Variants in DOCK2 observed in about 807,000 individuals in gnomAD.
DOCK2 encodes the protein dedicator of cytokinesis 2, also known as dedicator of cytokinesis protein 2.
In DOCK2, 87 loss-of-function variants were observed where a neutral mutation model predicts 248.9. The ratio of observed to expected loss-of-function variants is 0.35; its 90% CI spans 0.29 to 0.42. DOCK2 has a LOEUF of 0.42. Among genes scored for constraint, DOCK2 ranks in the 10% least tolerant of loss-of-function variants. The probability of loss-of-function intolerance (pLI) is 1.00; values close to 1 mark genes in which losing one functional copy is unlikely to be tolerated. For missense variants in DOCK2, 1,747 were observed against 2,300.2 expected, an observed-to-expected ratio of 0.76 and a Z score of 4.92; for synonymous variants, 805 against 821.6, an observed-to-expected ratio of 0.98 and a Z score of 0.35.
intron 29 of DOCK2, among the ~76,000 whole-genome samples, chr5:169,990,654 C>A (rs1778182138): frequency 6.6e-6 from 1 of 152,168 alleles, no homozygotes; most frequent in South Asian, 2.1e-4. Context: ...GAATAGGTAT[C>A]CCAGCGGCTC....
At chr5:169,925,326 A>G (rs1320880421) in intron 27 of DOCK2, among the ~76,000 whole-genome samples, 1 of 152,126 alleles carries the variant, frequency 6.6e-6, no homozygotes, top group Non-Finnish European at 1.5e-5. Context: ...TCCTGGTAAG[A>G]GCATCGTCTT....
chr5:169,941,279 C>G (rs990970505), intron 27 of DOCK2, among the ~76,000 whole-genome samples: 1 of 152,182 alleles, frequency 6.6e-6, no homozygotes, highest in Non-Finnish European at 1.5e-5. Flanking sequence ...ATAATCTCGG[C>G]TCACTACAAC....
chr5:169,727,093 GAAAGA>G (rs149502435), intron 22 of DOCK2, among the ~76,000 whole-genome samples: 1 of 150,456 alleles, frequency 6.6e-6, no homozygotes, highest in South Asian at 2.1e-4. Context: ...AAAAAAGAAA[GAAAGA>G]AAAGAAAAGG....
chr5:169,669,976 C>T (rs565136063), intron 3 of DOCK2, among the ~76,000 whole-genome samples: 18 of 152,274 alleles, frequency 1.2e-4, no homozygotes, highest in Admixed American at 9.8e-4. Flanking sequence ...CATGCTGTGT[C>T]GGGAGGGATG....
chr5:169,807,820 C>G, intron 26 of DOCK2, among the ~76,000 whole-genome samples: 1 of 73,910 alleles, frequency 1.4e-5, no homozygotes, highest in African/African-American at 4.6e-5. Context: ...GGAGACAGAG[C>G]AAGACTCTGT....
At chr5:169,928,106 TGGGGTTCCTTCA>T (rs1467924123) in intron 27 of DOCK2, among the ~76,000 whole-genome samples, 1 of 152,196 alleles carries the variant, frequency 6.6e-6, no homozygotes, top group Admixed American at 6.5e-5. Flanking sequence ...ACTGTCAACC[TGGGGTTCCTTCA>T]GGCCTTCCCA....
intron 1 of DOCK2, among the ~76,000 whole-genome samples, chr5:169,649,594 T>C (rs1321110647): frequency 6.6e-6 from 1 of 152,114 alleles, no homozygotes; most frequent in South Asian, 2.1e-4. Context: ...ACAAGCCCAG[T>C]GTATGTGTAA....
intron 27 of DOCK2, among the ~76,000 whole-genome samples, chr5:169,891,100 T>C (rs998091580): frequency 6.6e-6 from 1 of 152,112 alleles, no homozygotes; most frequent in African/African-American, 2.4e-5. Flanking sequence ...TCATGCCACT[T>C]TCCCCCTTTT....
At chr5:170,007,531 A>G (rs1478872836) in intron 30 of DOCK2, among the ~76,000 whole-genome samples, 1 of 152,212 alleles carries the variant, frequency 6.6e-6, no homozygotes, top group African/African-American at 2.4e-5. Context: ...AGTGGGTACC[A>G]GAGTCACCTC....
At chr5:169,853,293 T>C (rs948842985) in intron 27 of DOCK2, among the ~76,000 whole-genome samples, 4 of 152,202 alleles carry the variant, frequency 2.6e-5, no homozygotes, top group Non-Finnish European at 5.9e-5. Flanking sequence ...AATGGACTAA[T>C]CCACTGCCCC....
intron 27 of DOCK2, among the ~76,000 whole-genome samples, chr5:169,905,925 C>A (rs1774250306): frequency 6.6e-6 from 1 of 152,206 alleles, no homozygotes; most frequent in African/African-American, 2.4e-5. Context: ...CTGTCTTGAA[C>A]CTGACTGTAT....
At chr5:170,025,547 A>T (rs1411050849) in intron 33 of DOCK2, among the ~76,000 whole-genome samples, 6 of 152,230 alleles carry the variant, frequency 3.9e-5, no homozygotes, top group African/African-American at 1.4e-4. Context: ...ACAGCCGCAC[A>T]GCAGACTCAT....
At chr5:169,873,510 G>C (rs1772116675) in intron 27 of DOCK2, among the ~76,000 whole-genome samples, 1 of 152,218 alleles carries the variant, frequency 6.6e-6, no homozygotes. Flanking sequence ...CAGATATGCT[G>C]TGTGCCTTTA....
rs373032358 is a variant in DOCK2, at chr5:170,026,764, T to C, written c.3382-1099T>C. Among the ~76,000 whole-genome samples the C allele has an allele frequency of 4.1e-4, 62 of 152,352 alleles. No homozygotes were observed. In the South Asian group the frequency reaches 8.9e-3, roughly 22 times the overall value. ...TAGGGAGACAAAGCATTCTGTGGCT[T>C]CAATGCAACAAGATTTGGTGGAACT... is the stretch of plus-strand genomic sequence containing the variant. On this transcript the variant is annotated intron_variant, in intron 33 of 51. Transcript: ENST00000520908.
intron 27 of DOCK2, among the ~76,000 whole-genome samples, chr5:169,925,065 T>G (rs1775361710): frequency 6.6e-6 from 1 of 152,196 alleles, no homozygotes; most frequent in Non-Finnish European, 1.5e-5. Context: ...TTTTTAATTT[T>G]TCTTTCTCTA....
chr5:169,956,358 A>T (rs535385853), intron 27 of DOCK2, among the ~76,000 whole-genome samples: 25 of 152,344 alleles, frequency 1.6e-4, no homozygotes, highest in Middle Eastern at 6.8e-3. Flanking sequence ...GATACTACTA[A>T]CTTAAGAGGC....
intron 27 of DOCK2, among the ~76,000 whole-genome samples, chr5:169,938,553 A>G (rs1427498864): frequency 6.6e-6 from 1 of 152,244 alleles, no homozygotes; most frequent in African/African-American, 2.4e-5. Context: ...ATGGTATGAA[A>G]TAAAAAATGG....
chr5:170,064,450 ATAT>A (rs1158496471), intron 44 of DOCK2, among the ~76,000 whole-genome samples: 1 of 151,962 alleles, frequency 6.6e-6, no homozygotes, highest in Admixed American at 6.6e-5. Flanking sequence ...GAGCTTAGGA[ATAT>A]TATAACTGAA....
intron 2 of DOCK2, among the ~76,000 whole-genome samples, chr5:169,661,795 C>T (rs1015350007): frequency 6.6e-6 from 1 of 152,162 alleles, no homozygotes; most frequent in Non-Finnish European, 1.5e-5. Flanking sequence ...AAGATCTCCT[C>T]CTTTTTAAAG....
Sources: allele counts gnomAD v4.1 joint callset (sites outside exome capture counted in the v4.1 genomes callset), GRCh38; gene constraint gnomAD v4.1.1; transcripts MANE v1.5; gene names NCBI Gene and HGNC (gene_info 2026-07-23, HGNC 2026-07-21).